Variants in PCAT7 observed in about 807,000 individuals in gnomAD.
The protein encoded by PCAT7 is prostate cancer associated transcript 7, also known as prostate cancer associated transcript 7 (non-protein coding).
In PCAT7 at chr9:94,565,785, TAGATGATA is replaced by T. The variant is rs761469740; in HGVS notation, n.441+6634_441+6641del. On this transcript the variant is annotated intron_variant and non_coding_transcript_variant, in intron 2 of 8. Transcript: ENST00000647389. Reference sequence around the variant, plus strand: ...GATACATAGATGATAGATAGATAGATAGATGATAGATAGGTGAGAGTGAGGGAGGGAGC... The same window carrying T: ...GATACATAGATGATAGATAGATAGATGATAGGTGAGAGTGAGGGAGGGAGC... 5.3e-3 allele frequency among the ~76,000 whole-genome samples: 768 copies of T among 146,154 alleles called. 3 individuals carry two copies. Among genetic ancestry groups the T allele is most frequent in the Non-Finnish European group, 8.1e-3 (545 of 67,216 alleles).
rs138584530 is a variant in PCAT7, at chr9:94,565,552, A to G, written n.441+6400A>G. Among the ~76,000 whole-genome samples, 192 of 152,316 alleles carry G rather than the reference A, an allele frequency of 1.3e-3. 1 individual carries two copies. The highest frequency in any genetic ancestry group is 4.5e-3 in the African/African-American group (187 of 41,558). On this transcript the variant is annotated intron_variant and non_coding_transcript_variant, in intron 2 of 8. Transcript: ENST00000647389. ...AATCAAAACATTTAAATACAGAAAG[A>G]ATCTTTCAGCAGACACACAGTGAAC...
At chr9:94,566,880 C>A (rs1022584770) in intron 2 of PCAT7, among the ~76,000 whole-genome samples, 1 of 152,088 alleles carries the variant, frequency 6.6e-6, no homozygotes, top group African/African-American at 2.4e-5. Context: ...TTTCATTTTT[C>A]CATGAACTTT....
chr9:94,566,504 G>C (rs1396421908), intron 2 of PCAT7, among the ~76,000 whole-genome samples: 1 of 152,186 alleles, frequency 6.6e-6, no homozygotes, highest in Non-Finnish European at 1.5e-5. Context: ...TTAGTTAATC[G>C]AATATCTATA....
chr9:94,556,207 G>C (rs1413482489), intron 1 of PCAT7, among the ~76,000 whole-genome samples: 1 of 151,478 alleles, frequency 6.6e-6, no homozygotes, highest in Non-Finnish European at 1.5e-5. Flanking sequence ...GAAAAGACGG[G>C]GGAAAATGTT....
chr9:94,572,945 T>C (rs1397780461), intron 2 of PCAT7: 1 of 113,558 alleles, frequency 8.8e-6, no homozygotes, highest in Non-Finnish European at 1.8e-5. Flanking sequence ...CTAAACTCAC[T>C]AGTTCTAGAA....
At chr9:94,561,270 C>T (rs1827094927) in intron 2 of PCAT7, among the ~76,000 whole-genome samples, 1 of 151,384 alleles carries the variant, frequency 6.6e-6, no homozygotes, top group Admixed American at 6.6e-5. Context: ...ACCTCAGATG[C>T]CCCTGTTGTA....
At chr9:94,558,125 C>A (rs1410073580) in intron 1 of PCAT7, among the ~76,000 whole-genome samples, 1 of 152,086 alleles carries the variant, frequency 6.6e-6, no homozygotes, top group African/African-American at 2.4e-5. Context: ...AAGATAGGCT[C>A]AATCAGAAAT....
chr9:94,559,571 G>T (rs988547353), intron 2 of PCAT7, among the ~76,000 whole-genome samples: 32 of 150,730 alleles, frequency 2.1e-4, no homozygotes, highest in Non-Finnish European at 3.8e-4. Flanking sequence ...ATGCCGGCTT[G>T]TCTCTCTGGG....
intron 2 of PCAT7, chr9:94,570,583 A>C (rs2131450166): frequency 6.6e-6 from 1 of 152,294 alleles, no homozygotes; most frequent in African/African-American, 2.4e-5. Flanking sequence ...TTATTGTCTG[A>C]GGGTAATATT....
intron 2 of PCAT7, among the ~76,000 whole-genome samples, chr9:94,565,385 A>AAAAG (rs773350863): frequency 0.059 from 7,954 of 134,836 alleles, 1,211 homozygotes; most frequent in African/African-American, 0.21. Context: ...AAAAAAAAAA[A>AAAAG]AGATGTTCCC....
At chr9:94,564,008 A>C (rs578260397) in intron 2 of PCAT7, among the ~76,000 whole-genome samples, 4 of 152,354 alleles carry the variant, frequency 2.6e-5, no homozygotes, top group African/African-American at 9.6e-5. Context: ...AGAGACCTTC[A>C]AAGAGACTTA....
chr9:94,574,053 C>T (rs547906031), intron 3 of PCAT7, among the ~76,000 whole-genome samples: 4 of 152,064 alleles, frequency 2.6e-5, no homozygotes, highest in Admixed American at 6.6e-5. Context: ...GACATTGGTT[C>T]GTTTCATCTA....
At chr9:94,562,848 C>T (rs1052354309) in intron 2 of PCAT7, among the ~76,000 whole-genome samples, 37 of 152,162 alleles carry the variant, frequency 2.4e-4, no homozygotes, top group African/African-American at 8.0e-4. Flanking sequence ...AGTAGAAGTT[C>T]TTATTCTGAG....
intron 2 of PCAT7, chr9:94,563,342 C>T: frequency 6.2e-7 from 1 of 1,613,912 alleles, no homozygotes; most frequent in East Asian, 2.2e-5. Context: ...GGAGAATTAC[C>T]TTGCCCTTAG....
At chr9:94,570,873 T>C (rs1248075774) in intron 2 of PCAT7, 2 of 152,250 alleles carry the variant, frequency 1.3e-5, no homozygotes, top group Non-Finnish European at 2.9e-5. Context: ...CCATCTCCGC[T>C]GTCTGGAGTG....
At chr9:94,563,810 T>C (rs531473199) in intron 2 of PCAT7, among the ~76,000 whole-genome samples, 3 of 151,898 alleles carry the variant, frequency 2.0e-5, no homozygotes, top group Non-Finnish European at 2.9e-5. Context: ...GCCAAACATA[T>C]AGAAAGCAGA....
At chr9:94,554,673 C>A (rs973758762), upstream of PCAT7, among the ~76,000 whole-genome samples, 1 of 152,222 alleles carries the variant, frequency 6.6e-6, no homozygotes, top group Admixed American at 6.5e-5. Flanking sequence ...CAGCACGCGG[C>A]GGTGCCTCTT....
intron 2 of PCAT7, among the ~76,000 whole-genome samples, chr9:94,563,011 C>G (rs540878131): frequency 3.1e-4 from 47 of 152,274 alleles, no homozygotes; most frequent in Non-Finnish European, 5.0e-4. Flanking sequence ...GGACCATCAT[C>G]CCAGATCAGC....
chr9:94,569,915 T>C (rs1827248384), intron 2 of PCAT7: 1 of 152,236 alleles, frequency 6.6e-6, no homozygotes, highest in African/African-American at 2.4e-5. Context: ...CCGCCTTCCA[T>C]GGCATTTCTA....
Sources: allele counts gnomAD v4.1 joint callset (sites outside exome capture counted in the v4.1 genomes callset), GRCh38; gene constraint gnomAD v4.1.1; transcripts MANE v1.5; gene names NCBI Gene and HGNC (gene_info 2026-07-23, HGNC 2026-07-21).